Variants in LRRIQ3 observed in about 807,000 individuals in gnomAD.
LRRIQ3 encodes leucine-rich repeat and IQ domain-containing protein 3.
LRRIQ3 carries 75 observed loss-of-function variants against 59.3 expected under a neutral mutation model. That is an observed-to-expected ratio of 1.26 (90% CI 1.05 to 1.53). The LOEUF is 1.53. Ranked by LOEUF, LRRIQ3 falls within the 40% of genes most tolerant of loss-of-function variation. The probability of loss-of-function intolerance (pLI) is 0.00; values close to 1 mark genes in which losing one functional copy is unlikely to be tolerated. For synonymous variants in LRRIQ3, 250 were observed against 231.3 expected, an observed-to-expected ratio of 1.08 and a Z score of -0.73; for missense variants, 831 against 710.0, an observed-to-expected ratio of 1.17 and a Z score of -1.94.
intron 3 of LRRIQ3, among the ~76,000 whole-genome samples, chr1:74,162,676 G>T (rs1648729515): frequency 6.6e-6 from 1 of 151,672 alleles, no homozygotes; most frequent in Non-Finnish European, 1.5e-5. Context: ...CATTCTAAAT[G>T]CATATTGTAC....
chr1:74,071,087 T>TTA (rs200782049), intron 6 of LRRIQ3, among the ~76,000 whole-genome samples: 38 of 149,284 alleles, frequency 2.5e-4, no homozygotes, highest in South Asian at 4.2e-4. Context: ...AATTTTATAG[T>TTA]TATATATATA....
chr1:74,079,637 C>G lies in LRRIQ3; in HGVS notation c.868-4847G>C, dbSNP rs1646250644. ...AGAATCTAATCCACAAGGGCAAGGA[C>G]TTTTCTTTTCTTTTTTACTCAATGC... On this transcript the variant is annotated intron_variant, in intron 5 of 7. Transcript: ENST00000354431. Among the ~76,000 whole-genome samples, 6 of 151,600 alleles carry G rather than the reference C, an allele frequency of 4.0e-5. No homozygotes were observed. In the Admixed American group the frequency reaches 4.0e-4, roughly 10 times the overall value.
intron 3 of LRRIQ3, among the ~76,000 whole-genome samples, chr1:74,168,095 A>C (rs1315752234): frequency 2.1e-4 from 32 of 152,034 alleles, no homozygotes; most frequent in Non-Finnish European, 1.5e-5. Flanking sequence ...TCAATTACAT[A>C]CTATTGGTTA....
intron 7 of LRRIQ3, among the ~76,000 whole-genome samples, chr1:74,035,408 G>A (rs878899329): frequency 6.6e-6 from 1 of 152,016 alleles, no homozygotes; most frequent in South Asian, 2.1e-4. Flanking sequence ...ATTTATATGG[G>A]TCATGGTTTT....
intron 5 of LRRIQ3, among the ~76,000 whole-genome samples, chr1:74,086,720 T>C (rs1646331251): frequency 6.6e-6 from 1 of 152,106 alleles, no homozygotes; most frequent in South Asian, 2.1e-4. Context: ...GTTAGGCAGA[T>C]GTAAAAGAGT....
At chr1:74,050,468 A>C in intron 6 of LRRIQ3, 1 of 957,914 alleles carries the variant, frequency 1.0e-6, no homozygotes, top group Non-Finnish European at 1.2e-6. Flanking sequence ...TTCTGAACAG[A>C]TAGTTGGATC....
chr1:74,055,154 T>C (rs6662780), intron 6 of LRRIQ3, among the ~76,000 whole-genome samples: 1 of 139,192 alleles, frequency 7.2e-6, no homozygotes, highest in Non-Finnish European at 1.5e-5. Context: ...TACATACACA[T>C]ACACACACAT....
At chr1:74,084,294 T>C (rs1031682886) in intron 5 of LRRIQ3, 3 of 1,407,378 alleles carry the variant, frequency 2.1e-6, no homozygotes, top group Non-Finnish European at 2.9e-6. Flanking sequence ...TAGTTAACAA[T>C]AATCAGCAAA....
chr1:74,085,205 A>T (rs1463203563), intron 5 of LRRIQ3, among the ~76,000 whole-genome samples: 1 of 151,792 alleles, frequency 6.6e-6, no homozygotes, highest in African/African-American at 2.4e-5. Context: ...GTTGTAACTC[A>T]AAACAATATA....
intron 3 of LRRIQ3, among the ~76,000 whole-genome samples, chr1:74,165,932 A>G (rs1264831690): frequency 6.6e-6 from 1 of 151,574 alleles, no homozygotes; most frequent in African/African-American, 2.4e-5. Flanking sequence ...TGATCATAGT[A>G]TATATTTTTA....
chr1:74,120,516 T>C (rs1186171277), intron 4 of LRRIQ3, among the ~76,000 whole-genome samples: 2 of 152,086 alleles, frequency 1.3e-5, no homozygotes, highest in African/African-American at 2.4e-5. Context: ...AAGAAAAACA[T>C]CAATTTTTAT....
Position 74,026,694 on chromosome 1 carries a change from T to C in LRRIQ3, c.*119A>G, listed in dbSNP as rs986691542. The C allele has an allele frequency of 6.7e-6, 5 of 746,706 alleles. No homozygotes were observed. Among genetic ancestry groups the C allele is most frequent in the African/African-American group, 1.8e-5 (1 of 54,856 alleles). The allele number at this position is 746,706 out of a possible 1,614,324, so 46.3% of individuals were successfully genotyped here. On this transcript the variant is annotated 3_prime_UTR_variant, in exon 8 of 8. Coordinates refer to ENST00000354431, the MANE Select transcript of LRRIQ3 (RefSeq NM_001105659.2). ...AATCTTTATATTTTTAGAAGACTTA[T>C]ATATAAATCCATCTTGTGATGTAGA...
At chr1:74,042,007 A>AAGTTTATTG in intron 6 of LRRIQ3, 74 bp from the exon 7 acceptor site, 2 of 1,354,858 alleles carry the variant, frequency 1.5e-6, no homozygotes, top group South Asian at 2.0e-5. Flanking sequence ...CAAATATATC[A>AAGTTTATTG]ATAAACTTGA....
intron 6 of LRRIQ3, among the ~76,000 whole-genome samples, chr1:74,048,289 A>G (rs1233579029): frequency 1.3e-5 from 2 of 152,126 alleles, no homozygotes; most frequent in African/African-American, 4.8e-5. Flanking sequence ...ATGGTTATTT[A>G]TTTCCATTTT....
intron 6 of LRRIQ3, among the ~76,000 whole-genome samples, chr1:74,054,226 A>C (rs1654454500): frequency 6.6e-6 from 1 of 151,928 alleles, no homozygotes; most frequent in Non-Finnish European, 1.5e-5. Context: ...CCATAAAAAA[A>C]AACCACGAAA....
Position 74,182,589 on chromosome 1 carries a change from G to C in LRRIQ3, c.522C>G (p.Phe174Leu). 6.2e-7 allele frequency: 1 copy of C among 1,603,768 alleles called. No homozygotes were observed. The highest frequency in any genetic ancestry group is 8.5e-7 in the Non-Finnish European group (1 of 1,174,980). Reference protein sequence around the residue: ...IIQNWHLPERFKACNHRLFFN... With the variant: ...IIQNWHLPERLKACNHRLFFN... ...AGAAAAGTCGATGGTTACATGCTTTGAATCTTTCAGGAAGATGCCAGTTCT... is the reference window on the plus strand; with the variant it reads ...AGAAAAGTCGATGGTTACATGCTTTCAATCTTTCAGGAAGATGCCAGTTCT... The change falls in exon 3 of 8, where the codon TTC becomes TTG. Residue 174 changes from phenylalanine to leucine, a missense_variant. Physicochemically the swap from Phe to Leu is conservative, Grantham distance 22. Coordinates refer to ENST00000354431, the MANE Select transcript of LRRIQ3 (RefSeq NM_001105659.2).
chr1:74,099,888 G>A (rs1348239503), intron 5 of LRRIQ3, among the ~76,000 whole-genome samples: 1 of 152,024 alleles, frequency 6.6e-6, no homozygotes, highest in Non-Finnish European at 1.5e-5. Context: ...AATAAATTAG[G>A]TATTAATGGG....
At chr1:74,071,186 T>C (rs968172587) in intron 6 of LRRIQ3, among the ~76,000 whole-genome samples, 7 of 152,000 alleles carry the variant, frequency 4.6e-5, no homozygotes, top group African/African-American at 1.7e-4. Flanking sequence ...TTATATAATC[T>C]TTTAGAGACA....
chr1:74,165,996 C>T (rs546069013), intron 3 of LRRIQ3, among the ~76,000 whole-genome samples: 4 of 151,720 alleles, frequency 2.6e-5, no homozygotes, highest in African/African-American at 9.6e-5. Context: ...TGCTTATGCT[C>T]TTAAGGAATA....
Sources: gnomAD v4.1 joint callset for allele counts (sites outside exome capture counted in the v4.1 genomes callset) on GRCh38, gnomAD v4.1.1 for gene constraint, MANE v1.5 for transcripts, NCBI Gene and HGNC (gene_info 2026-07-23, HGNC 2026-07-21) for gene names.